NALCN: variants seen among roughly 807,000 people sequenced by gnomAD.
NALCN encodes the protein sodium leak channel NALCN.
NALCN carries 111 observed loss-of-function variants against 225.3 expected under a neutral mutation model. The ratio of observed to expected loss-of-function variants is 0.49; its 90% CI spans 0.42 to 0.58. The LOEUF is 0.58. Among genes scored for constraint, NALCN ranks in the 20% least tolerant of loss-of-function variants. The pLI, the probability that NALCN is intolerant of heterozygous loss-of-function variation, is 0.00. For synonymous variants in NALCN, 764 were observed against 769.0 expected (o/e 0.99, Z 0.11); for missense variants, 1,378 against 2,202.4 (o/e 0.63, Z 7.49).
In NALCN at chr13:101,201,993, TCTC is replaced by T. The variant is rs1281150100; in HGVS notation, c.1627-9942_1627-9940del. Among the ~76,000 whole-genome samples the T allele has an allele frequency of 2.0e-5, 3 of 152,302 alleles. No individual in the cohort carries two copies. The East Asian group carries it at 5.8e-4, about 29-fold the overall frequency. On this transcript the variant is annotated intron_variant, in intron 13 of 43. Transcript: ENST00000251127. ...GTATTCACTGAGTGCAAAAGTGACT[TCTC>T]TTCTGTTTTTAATTGCCTTAATGAT...
chr13:101,103,110 C>T (rs1566815018), intron 26 of NALCN, 62 bp downstream of exon 26: 5 of 1,556,164 alleles, frequency 3.2e-6, no homozygotes, highest in African/African-American at 1.4e-5. Context: ...TCACTTTTCC[C>T]TCATTAGCTG....
intron 15 of NALCN, among the ~76,000 whole-genome samples, chr13:101,175,954 T>C (rs2038941172): frequency 6.6e-6 from 1 of 152,234 alleles, no homozygotes; most frequent in Admixed American, 6.5e-5. Flanking sequence ...TGATAAAGAC[T>C]ATTACATATA....
chr13:101,177,409 G>GTATATATATATATATATA (rs10624930), intron 14 of NALCN, among the ~76,000 whole-genome samples: 3,623 of 123,672 alleles, frequency 0.029, 186 homozygotes, highest in Non-Finnish European at 0.044. Context: ...GTAAATACGA[G>GTATATATATATATATATA]TATATATATA....
At chr13:101,143,350 G>T in intron 16 of NALCN, 129 bp from the exon 17 acceptor site, 2 of 885,308 alleles carry the variant, frequency 2.3e-6, no homozygotes, top group Non-Finnish European at 3.2e-6. Flanking sequence ...ACTAGATCAT[G>T]ACTAAAATAT....
intron 10 of NALCN, among the ~76,000 whole-genome samples, chr13:101,270,269 A>G (rs1337513316): frequency 6.6e-6 from 1 of 152,240 alleles, no homozygotes; most frequent in Non-Finnish European, 1.5e-5. Context: ...AGGAAGGACT[A>G]CAATAGGGCT....
chr13:101,061,902 T>C (rs2031970712), intron 41 of NALCN, 66 bp downstream of exon 41: 12 of 1,462,872 alleles, frequency 8.2e-6, no homozygotes, highest in Admixed American at 8.1e-5. Context: ...CTCTTTTCTT[T>C]CATCCTCCTG....
chr13:101,082,344 T>C (rs1566793424), intron 33 of NALCN, among the ~76,000 whole-genome samples: 1 of 152,228 alleles, frequency 6.6e-6, no homozygotes. Context: ...ACATTTTTCT[T>C]CCTTAAGCAA....
At chr13:101,103,131 G>A in intron 26 of NALCN, 41 bp downstream of exon 26, 4 of 1,595,440 alleles carry the variant, frequency 2.5e-6, no homozygotes, top group Non-Finnish European at 3.4e-6. Flanking sequence ...CATTAGAGGT[G>A]GACTACTGTG....
At chr13:101,371,303 C>A (rs1253709159) in intron 6 of NALCN, among the ~76,000 whole-genome samples, 1 of 151,728 alleles carries the variant, frequency 6.6e-6, no homozygotes, top group Non-Finnish European at 1.5e-5. Context: ...GGTGCCTGTC[C>A]AACTTTTTTT....
At chr13:101,136,023 A>C (rs2036768021) in intron 17 of NALCN, among the ~76,000 whole-genome samples, 1 of 152,238 alleles carries the variant, frequency 6.6e-6, no homozygotes, top group Non-Finnish European at 1.5e-5. Context: ...CAGCTGATAC[A>C]TAGTTCCAAC....
chr13:101,199,542 C>T (rs1455784910), intron 13 of NALCN, among the ~76,000 whole-genome samples: 3 of 150,138 alleles, frequency 2.0e-5, no homozygotes, highest in South Asian at 2.1e-4. Context: ...AGCAAACTAT[C>T]GCAAGGACAA....
intron 17 of NALCN, among the ~76,000 whole-genome samples, chr13:101,141,620 T>A (rs1449073756): frequency 3.4e-5 from 4 of 118,004 alleles, no homozygotes; most frequent in South Asian, 2.6e-4. Context: ...GGAGGGGAGG[T>A]GAGAAAGAGG....
intron 7 of NALCN, among the ~76,000 whole-genome samples, chr13:101,323,435 C>G (rs1211507486): frequency 6.6e-6 from 1 of 152,236 alleles, no homozygotes; most frequent in Non-Finnish European, 1.5e-5. Flanking sequence ...CAATGCAACT[C>G]TATTAATTCA....
chr13:101,400,751 A>G (rs968812741), intron 1 of NALCN, among the ~76,000 whole-genome samples: 3 of 151,936 alleles, frequency 2.0e-5, no homozygotes, highest in Non-Finnish European at 2.9e-5. Flanking sequence ...CTCTCCTGAT[A>G]TGGGTTGGCT....
intron 1 of NALCN, among the ~76,000 whole-genome samples, chr13:101,404,256 C>G (rs9300663): frequency 6.6e-6 from 1 of 152,040 alleles, no homozygotes; most frequent in South Asian, 2.1e-4. Flanking sequence ...ATTCCCAACA[C>G]GTTTCTGTGC....
At chr13:101,139,425 A>G (rs1339589827) in intron 17 of NALCN, among the ~76,000 whole-genome samples, 3 of 152,212 alleles carry the variant, frequency 2.0e-5, no homozygotes, top group Non-Finnish European at 4.4e-5. Flanking sequence ...CCTCTAGCAT[A>G]GTGAAGTCAG....
intron 12 of NALCN, among the ~76,000 whole-genome samples, chr13:101,232,213 C>T (rs7322162): frequency 0.38 from 57,950 of 151,626 alleles, 12,152 homozygotes; most frequent in East Asian, 0.59. Context: ...ACGTTTACTG[C>T]ATTTACTTTG....
At position 101,107,599 on chromosome 13, in the gene NALCN, C is replaced by A. The variant is rs2035200504; in HGVS notation, c.2467G>T (p.Glu823Ter). The A allele has an allele frequency of 6.2e-7, 1 of 1,613,954 alleles. No individual in the cohort carries two copies. Among genetic ancestry groups the A allele is most frequent in the Admixed American group, 1.7e-5 (1 of 59,994 alleles). ...GGGTGGTTCTCTCTGAGTTCCTCTTCTTGCACTTTCCTTGAAGGAGAAATT... is the reference window on the plus strand; with the variant it reads ...GGGTGGTTCTCTCTGAGTTCCTCTTATTGCACTTTCCTTGAAGGAGAAATT... Reference protein sequence around the residue: ...EQAEMKRKVQEEELRENHPYF... With the variant: ...EQAEMKRKVQ Residue 823 changes from glutamate to a stop codon, truncating the protein, a stop_gained, in exon 22 of 44, where the codon GAA becomes TAA. Coordinates refer to ENST00000251127, the MANE Select transcript of NALCN (RefSeq NM_052867.4). LOFTEE classifies it high-confidence loss of function.
At chr13:101,354,110 G>A (rs1359141160) in intron 6 of NALCN, among the ~76,000 whole-genome samples, 11 of 152,142 alleles carry the variant, frequency 7.2e-5, no homozygotes, top group South Asian at 2.1e-4. Context: ...TTGGGAGGCC[G>A]AGGCGGGCGG....
Sources: allele counts gnomAD v4.1 joint callset (sites outside exome capture counted in the v4.1 genomes callset), GRCh38; gene constraint gnomAD v4.1.1; transcripts MANE v1.5; gene names NCBI Gene and HGNC (gene_info 2026-07-23, HGNC 2026-07-21).